The following SCLT1 variants were observed in gnomAD, a reference collection of about 807,000 sequenced individuals.
The protein encoded by SCLT1 is sodium channel-associated protein 1.
SCLT1 carries 78 observed loss-of-function variants against 112.8 expected under a neutral mutation model. The observed-to-expected ratio is 0.69, with a 90% CI of 0.58 to 0.83. SCLT1 has a LOEUF of 0.83. Among genes scored for constraint, SCLT1 ranks in the 40% least tolerant of loss-of-function variants. SCLT1 has a pLI of 0.00. For missense variants in SCLT1, 747 were observed against 770.4 expected (o/e 0.97, Z 0.36); for synonymous variants, 257 against 254.7 (o/e 1.01, Z -0.09).
In SCLT1 at chr4:129,039,046, A is replaced by AT; in HGVS notation, c.284dup (p.Asn95LysfsTer2). ...CCAATAGTTAATTGATTTACCTTTC[A>AT]TTTTCCTTGATGACATTTTCAAGTT... On this transcript the variant is annotated frameshift_variant, in exon 5 of 21. Coordinates refer to ENST00000281142, the MANE Select transcript of SCLT1 (RefSeq NM_144643.4). LOFTEE classifies it high-confidence loss of function. 1 of 1,553,732 alleles carries AT rather than the reference A, an allele frequency of 6.4e-7. No individual in the cohort carries two copies. The highest frequency in any genetic ancestry group is 8.9e-7 in the Non-Finnish European group (1 of 1,126,056).
intron 9 of SCLT1, among the ~76,000 whole-genome samples, chr4:128,973,084 GTCT>G (rs77192015): frequency 0.27 from 41,079 of 151,720 alleles, 5,916 homozygotes; most frequent in South Asian, 0.35. Context: ...GGCTGGACTA[GTCT>G]TCTTCTTTTT....
chr4:128,966,063 C>A (rs1312926858), intron 10 of SCLT1, among the ~76,000 whole-genome samples: 2 of 151,664 alleles, frequency 1.3e-5, no homozygotes, highest in East Asian at 1.9e-4. Context: ...AACTCCTGAC[C>A]TCGTGATCCA....
chr4:128,986,114 C>G (rs1464665888), intron 9 of SCLT1, among the ~76,000 whole-genome samples: 1 of 152,218 alleles, frequency 6.6e-6, no homozygotes, highest in Non-Finnish European at 1.5e-5. Context: ...ATTACCCATA[C>G]AAACTGCCCC....
chr4:129,041,631 T>C (rs1274792751), intron 4 of SCLT1: 1 of 152,156 alleles, frequency 6.6e-6, no homozygotes, highest in Non-Finnish European at 1.5e-5. Flanking sequence ...CACAGTAGGA[T>C]CCCTTCATGT....
chr4:128,989,577 G>C (rs902982823), intron 9 of SCLT1, among the ~76,000 whole-genome samples: 2 of 151,506 alleles, frequency 1.3e-5, no homozygotes, highest in Admixed American at 1.3e-4. Flanking sequence ...GGAAAAGCAA[G>C]AGAAAACCAA....
chr4:129,012,477 A>G (rs528328050), intron 5 of SCLT1, among the ~76,000 whole-genome samples: 1 of 152,316 alleles, frequency 6.6e-6, no homozygotes, highest in South Asian at 2.1e-4. Context: ...TGTGGTGATG[A>G]GAAGAATGTA....
intron 9 of SCLT1, among the ~76,000 whole-genome samples, chr4:128,977,985 T>C (rs1439874481): frequency 6.6e-6 from 1 of 152,114 alleles, no homozygotes; most frequent in South Asian, 2.1e-4. Context: ...GGATGATGAC[T>C]AGATTTGTGA....
At chr4:128,880,730 T>C (rs895333417), downstream of SCLT1, among the ~76,000 whole-genome samples, 4 of 152,230 alleles carry the variant, frequency 2.6e-5, no homozygotes, top group Non-Finnish European at 4.4e-5. Flanking sequence ...TCACATTTTT[T>C]CCTCATCCTA....
chr4:128,952,525 T>C, intron 14 of SCLT1: 1 of 559,066 alleles, frequency 1.8e-6, no homozygotes, highest in Non-Finnish European at 3.3e-6. Context: ...TAGCATCCTG[T>C]GCATTCTCTG....
chr4:128,894,091 C>T (rs993661679), intron 18 of SCLT1, among the ~76,000 whole-genome samples: 5 of 152,034 alleles, frequency 3.3e-5, no homozygotes, highest in Admixed American at 6.6e-5. Context: ...AGGTGCATGC[C>T]ATCATGCCCG....
intron 2 of SCLT1, among the ~76,000 whole-genome samples, chr4:129,049,319 C>A (rs141874672): frequency 6.6e-6 from 1 of 151,836 alleles, no homozygotes; most frequent in African/African-American, 2.4e-5. Context: ...GATGAGTTCA[C>A]GTCCTTTGTA....
intron 14 of SCLT1, 60 bp from the exon 15 acceptor site, chr4:128,948,630 G>T: frequency 8.2e-7 from 1 of 1,219,532 alleles, no homozygotes. Context: ...GAAAAGTGGG[G>T]AAAAATTATA....
chr4:129,064,575 T>C (rs1351005766), intron 2 of SCLT1, among the ~76,000 whole-genome samples: 6 of 152,198 alleles, frequency 3.9e-5, no homozygotes, highest in African/African-American at 1.4e-4. Flanking sequence ...TTGTTTTACA[T>C]ATAATGTTCA....
chr4:128,879,355 C>T (rs548807898), downstream of SCLT1, among the ~76,000 whole-genome samples: 2 of 152,232 alleles, frequency 1.3e-5, no homozygotes, highest in African/African-American at 2.4e-5. Context: ...TTCAAGCCTC[C>T]TGACCCAGAT....
intron 2 of SCLT1, among the ~76,000 whole-genome samples, chr4:129,059,638 G>C (rs985503571): frequency 2.6e-5 from 4 of 152,052 alleles, no homozygotes; most frequent in African/African-American, 9.7e-5. Flanking sequence ...TAGTATTCTT[G>C]GCTGATATTG....
intron 15 of SCLT1, among the ~76,000 whole-genome samples, chr4:128,948,111 G>A (rs770580675): frequency 5.3e-5 from 8 of 151,712 alleles, no homozygotes; most frequent in African/African-American, 2.4e-5. Flanking sequence ...TGAGGCAGGC[G>A]GATCACGAGG....
chr4:129,043,257 T>G, intron 4 of SCLT1, 138 bp downstream of exon 4: 1 of 626,266 alleles, frequency 1.6e-6, no homozygotes, highest in Non-Finnish European at 2.8e-6. Flanking sequence ...TTCACACACA[T>G]TTACATAGGG....
intron 18 of SCLT1, among the ~76,000 whole-genome samples, chr4:128,919,132 T>C (rs1735689110): frequency 6.6e-6 from 1 of 152,058 alleles, no homozygotes; most frequent in Non-Finnish European, 1.5e-5. Flanking sequence ...TACATTCTTC[T>C]CATCTGCACA....
intron 18 of SCLT1, among the ~76,000 whole-genome samples, chr4:128,916,962 A>G (rs1335618127): frequency 2.6e-5 from 4 of 152,054 alleles, no homozygotes; most frequent in Non-Finnish European, 5.9e-5. Flanking sequence ...CTGGGCCACT[A>G]CATCTGCCGT....
Sources: allele counts gnomAD v4.1 joint callset (sites outside exome capture counted in the v4.1 genomes callset), GRCh38; gene constraint gnomAD v4.1.1; transcripts MANE v1.5; gene names NCBI Gene and HGNC (gene_info 2026-07-23, HGNC 2026-07-21).